ENTPD4: variants seen among roughly 807,000 people sequenced by gnomAD.
ENTPD4 encodes ectonucleoside triphosphate diphosphohydrolase 4.
Under a neutral mutation model 79.1 loss-of-function variants are expected in ENTPD4, and 60 were observed. That is an observed-to-expected ratio of 0.76 (90% CI 0.62 to 0.94). The LOEUF is 0.94. Among genes scored for constraint, ENTPD4 ranks in the 40% least tolerant of loss-of-function variants. ENTPD4 has a pLI of 0.00. For synonymous variants in ENTPD4, 276 were observed against 292.0 expected (o/e 0.95, Z 0.56); for missense variants, 772 against 775.1 (o/e 1.00, Z 0.05).
At chr8:23,435,724 C>T (rs1800545498) in intron 10 of ENTPD4, among the ~76,000 whole-genome samples, 1 of 152,210 alleles carries the variant, frequency 6.6e-6, no homozygotes, top group Non-Finnish European at 1.5e-5. Flanking sequence ...CTGTCCACAA[C>T]CAACCTCTCC....
rs1475779587 is a variant in ENTPD4 at position 23,430,381 on chromosome 8, G to C, written c.*2545C>G. ...AATTCTGGTGCAACAAATATTTTAA[G>C]ATTGAAGTTTGGTTACTTCTCTTGT... On this transcript the variant is annotated 3_prime_UTR_variant, in exon 13 of 13. Transcript: ENST00000358689. 1.0e-6 allele frequency: 1 copy of C among 985,300 alleles called. No individual in the cohort carries two copies. The highest frequency in any genetic ancestry group is 1.2e-6 in the Non-Finnish European group (1 of 829,928). The allele number at this position is 985,300 out of a possible 1,614,324, so 61.0% of individuals were successfully genotyped here.
Position 23,444,653 on chromosome 8 carries a change from A to T in ENTPD4, c.413-47T>A, listed in dbSNP as rs942162744. On this transcript the variant is annotated intron_variant, in intron 4 of 12. Coordinates refer to ENST00000358689, the MANE Select transcript of ENTPD4 (RefSeq NM_004901.5). ...GTTAAGAAGCAGATATTTTAGCTAT[A>T]ACATGTGATGTTTCTTCAGAGTGGC... 10 of 1,553,940 alleles carry T rather than the reference A, an allele frequency of 6.4e-6. No individual in the cohort carries two copies. In the African/African-American group the frequency reaches 1.2e-4, roughly 19 times the overall value.
intron 12 of ENTPD4, among the ~76,000 whole-genome samples, chr8:23,433,371 T>C (rs1157256126): frequency 6.6e-6 from 1 of 152,216 alleles, no homozygotes; most frequent in Admixed American, 6.5e-5. Flanking sequence ...CATTATAATT[T>C]GGGCAACCAA....
chr8:23,451,325 T>C (rs891525129), intron 1 of ENTPD4, among the ~76,000 whole-genome samples: 5 of 152,182 alleles, frequency 3.3e-5, no homozygotes, highest in Non-Finnish European at 5.9e-5. Flanking sequence ...TGGCCCCAAA[T>C]GTAATTTCTT....
intron 6 of ENTPD4, among the ~76,000 whole-genome samples, 159 bp from the exon 7 acceptor site, chr8:23,442,225 A>C (rs534697668): frequency 1.1e-4 from 17 of 152,354 alleles, no homozygotes; most frequent in African/African-American, 2.9e-4. Context: ...TTATTACTCC[A>C]AATGGCTTTC....
chr8:23,429,689 T>C lies in ENTPD4; in HGVS notation c.*3237A>G. On this transcript the variant is annotated 3_prime_UTR_variant, in exon 13 of 13. Transcript: ENST00000358689. ...TCTAGAGTACACAGATGTGGAAAAC[T>C]GGTGGTGAAAAGAGGGACCTACCCA... 1 of 985,416 alleles carries C rather than the reference T, an allele frequency of 1.0e-6. No homozygotes were observed. Among genetic ancestry groups the C allele is most frequent in the Non-Finnish European group, 1.2e-6 (1 of 829,918 alleles). The allele number at this position is 985,416 out of a possible 1,614,324, so 61.0% of individuals were successfully genotyped here.
In ENTPD4 at chr8:23,439,924, A is replaced by AT; in HGVS notation, c.883-10dup. On this transcript the variant is annotated splice_polypyrimidine_tract_variant and intron_variant, in intron 8 of 12. Transcript: ENST00000358689. Reference sequence around the variant, plus strand: ...TTTTTAGCTACTTCTTCCTGCAGACATAAGCATAACAAACCTTAATAGCTT... The same window carrying AT: ...TTTTTAGCTACTTCTTCCTGCAGACATTAAGCATAACAAACCTTAATAGCTT... The AT allele has an allele frequency of 6.2e-7, 1 of 1,613,276 alleles. No homozygotes were observed.
Position 23,431,633 on chromosome 8 carries a change from G to A in ENTPD4, c.*1293C>T, listed in dbSNP as rs750212589. ...GTCAATGCGGTTAGGAAGAGGACTC[G>A]GCAGGCTGTGCATGGGGTCTCCCAG... On this transcript the variant is annotated 3_prime_UTR_variant, in exon 13 of 13. Coordinates refer to ENST00000358689, the MANE Select transcript of ENTPD4 (RefSeq NM_004901.5). The A allele has an allele frequency of 7.1e-6, 7 of 985,392 alleles. No individual in the cohort carries two copies. Among genetic ancestry groups the A allele is most frequent in the African/African-American group, 3.5e-5 (2 of 57,328 alleles). The allele number at this position is 985,392 out of a possible 1,614,324, so 61.0% of individuals were successfully genotyped here. A position where few individuals can be genotyped will look rare whatever the true frequency, so the allele number is the denominator to read the frequency against.
chr8:23,452,497 G>T (rs1330173213), intron 1 of ENTPD4, among the ~76,000 whole-genome samples: 2 of 152,188 alleles, frequency 1.3e-5, no homozygotes, highest in Non-Finnish European at 2.9e-5. Context: ...GTTATTTAAA[G>T]TAATTAAATT....
intron 6 of ENTPD4, 52 bp from the exon 7 acceptor site, chr8:23,442,118 G>C: frequency 7.5e-7 from 1 of 1,324,766 alleles, no homozygotes. Context: ...AACATTTTGT[G>C]TAACTCCTAT....
chr8:23,448,178 C>A (rs150227128), intron 3 of ENTPD4, among the ~76,000 whole-genome samples: 1 of 152,176 alleles, frequency 6.6e-6, no homozygotes, highest in Non-Finnish European at 1.5e-5. Flanking sequence ...ACATATTACA[C>A]GAGACGCTTA....
At position 23,434,437 on chromosome 8, in the gene ENTPD4, T is replaced by A. The variant is rs748677929; in HGVS notation, c.1502A>T (p.His501Leu). 8.7e-6 allele frequency: 14 copies of A among 1,614,118 alleles called. No homozygotes were observed. Among genetic ancestry groups the A allele is most frequent in the Non-Finnish European group, 1.1e-5 (13 of 1,180,018 alleles). The stretch of plus-strand genomic sequence containing the variant: ...GTTGACAGGAAACGAAAAGCCCCTA[T>A]GAAACACCTCAAACATCCAGGCCGA... The part of the protein sequence containing the change: ...FKSAWMFEVF[H>L]RGFSFPVNYK... Residue 501 changes from histidine to leucine, a missense_variant, in exon 12 of 13, where the codon CAT (histidine) becomes CTT (leucine). Coordinates refer to ENST00000358689, the MANE Select transcript of ENTPD4 (RefSeq NM_004901.5).
At chr8:23,456,339 C>T (rs1800957732) in intron 1 of ENTPD4, among the ~76,000 whole-genome samples, 1 of 152,250 alleles carries the variant, frequency 6.6e-6, no homozygotes, top group African/African-American at 2.4e-5. Context: ...ACACTTCTTT[C>T]AAGGCACAAG....
At position 23,434,323 on chromosome 8, in the gene ENTPD4, G is replaced by A. The variant is rs764263850; in HGVS notation, c.1616C>T (p.Pro539Leu). The change falls in exon 12 of 13, where the codon CCA becomes CTA. Residue 539 changes from proline (P) to leucine (L), a missense_variant. Pro to Leu is a moderately conservative substitution (Grantham distance 98). Coordinates refer to ENST00000358689, the MANE Select transcript of ENTPD4 (RefSeq NM_004901.5). ...GAILYRTRFL[P>L]LRDIQQEAFR... ...CCCAAATTCACAGCCCTACCTTAATGGTAGAAAGCGGGTCCTGTAGAGGAT... is the reference window on the plus strand; with the variant it reads ...CCCAAATTCACAGCCCTACCTTAATAGTAGAAAGCGGGTCCTGTAGAGGAT... The A allele has an allele frequency of 3.3e-5, 54 of 1,613,770 alleles. No homozygotes were observed. The highest frequency in any genetic ancestry group is 4.2e-5 in the Non-Finnish European group (50 of 1,179,840).
chr8:23,434,534 C>CAA, intron 11 of ENTPD4, 56 bp from the exon 12 acceptor site: 1 of 1,428,152 alleles, frequency 7.0e-7, no homozygotes, highest in Non-Finnish European at 9.7e-7. Context: ...CAAGATGGCA[C>CAA]ACACACACAC....
chr8:23,454,481 A>G (rs1426575847), intron 1 of ENTPD4, among the ~76,000 whole-genome samples: 2 of 152,258 alleles, frequency 1.3e-5, no homozygotes, highest in Non-Finnish European at 2.9e-5. Context: ...ACTAATGCCC[A>G]GAAAATAGTC....
At chr8:23,434,689 A>G in intron 11 of ENTPD4, 1 of 1,410,138 alleles carries the variant, frequency 7.1e-7, no homozygotes, top group Non-Finnish European at 9.2e-7. Context: ...CACCTGTCAA[A>G]TCAATCAGTG....
Position 23,436,958 on chromosome 8 carries a change from A to G in ENTPD4, c.1350T>C (p.Ala450=). Residue 450 remains alanine (A), a synonymous_variant, in exon 10 of 13, where the codon GCT becomes GCC. Coordinates refer to ENST00000358689, the MANE Select transcript of ENTPD4 (RefSeq NM_004901.5). ...CCTTTGCAGCTTTAGTAAATTTAGCAGCATTGTAGTCTCCCCCCATTCGTA... is the reference window on the plus strand; with the variant it reads ...CCTTTGCAGCTTTAGTAAATTTAGCGGCATTGTAGTCTCCCCCCATTCGTA... ...DVLRMGGDYN[A]AKFTKAAKDY... The G allele has an allele frequency of 1.3e-6, 2 of 1,598,104 alleles. No homozygotes were observed. The highest frequency in any genetic ancestry group is 1.7e-6 in the Non-Finnish European group (2 of 1,171,782).
In ENTPD4 at chr8:23,441,839, A is replaced by C; in HGVS notation, c.728-116T>G. On this transcript the variant is annotated intron_variant, in intron 7 of 12. Transcript: ENST00000358689. ...AAGCATATTCAGGCAAACCCAGTCTACTCCTCCCAACTAAAATCAAGTTGA... is the reference window on the plus strand; with the variant it reads ...AAGCATATTCAGGCAAACCCAGTCTCCTCCTCCCAACTAAAATCAAGTTGA... 4.9e-6 allele frequency: 6 copies of C among 1,230,710 alleles called. 1 individual carries two copies. The highest frequency in any genetic ancestry group is 5.8e-6 in the Non-Finnish European group (5 of 869,330). The allele number at this position is 1,230,710 out of a possible 1,614,324, so 76.2% of individuals were successfully genotyped here.
Sources: allele counts gnomAD v4.1 joint callset (sites outside exome capture counted in the v4.1 genomes callset), GRCh38; gene constraint gnomAD v4.1.1; transcripts MANE v1.5; gene names NCBI Gene and HGNC (gene_info 2026-07-23, HGNC 2026-07-21).